The following DCBLD2 variants were observed in gnomAD, a reference collection of about 807,000 sequenced individuals.
DCBLD2 encodes the protein discoidin, CUB and LCCL domain containing 2.
DCBLD2 carries 54 observed loss-of-function variants against 86.8 expected under a neutral mutation model. That is an observed-to-expected ratio of 0.62 (90% CI 0.50 to 0.78). The LOEUF is 0.78. Ranked by LOEUF, DCBLD2 falls within the 30% of genes least tolerant of loss-of-function variation. The pLI is 0.00. For missense variants in DCBLD2, 908 were observed against 954.2 expected, an observed-to-expected ratio of 0.95 and a Z score of 0.64; for synonymous variants, 354 against 341.3, an observed-to-expected ratio of 1.04 and a Z score of -0.41.
intron 4 of DCBLD2, among the ~76,000 whole-genome samples, chr3:98,825,030 T>C (rs889744677): frequency 6.6e-6 from 1 of 152,206 alleles, no homozygotes; most frequent in Non-Finnish European, 1.5e-5. Context: ...CAACTTTTAC[T>C]AGGAGTTTTG....
At position 98,797,923 on chromosome 3, in the gene DCBLD2, T is replaced by C. The variant is rs1040468022; in HGVS notation, c.*1449A>G. On this transcript the variant is annotated 3_prime_UTR_variant, in exon 16 of 16. Transcript: ENST00000326840. The stretch of plus-strand genomic sequence containing the variant: ...AAACAAAGGTTTATGGAAGAGGGAA[T>C]GTCAAATTTATGTATTTTTATCATA... 42 of 152,242 alleles carry C rather than the reference T, an allele frequency of 2.8e-4. No individual in the cohort carries two copies. The highest frequency in any genetic ancestry group is 9.9e-4 in the African/African-American group (41 of 41,460). The allele number at this position is 152,242 out of a possible 1,614,324, so 9.4% of individuals were successfully genotyped here.
chr3:98,836,498 TAC>T (rs1319932057), intron 3 of DCBLD2, among the ~76,000 whole-genome samples: 4 of 151,888 alleles, frequency 2.6e-5, no homozygotes, highest in African/African-American at 9.7e-5. Context: ...TACTTCTTTC[TAC>T]ACAGACACCG....
chr3:98,878,907 G>A (rs1423279388), intron 2 of DCBLD2, among the ~76,000 whole-genome samples: 2 of 152,158 alleles, frequency 1.3e-5, no homozygotes, highest in East Asian at 1.9e-4. Flanking sequence ...TCTTCAGACC[G>A]TACAGAAAGT....
intron 9 of DCBLD2, chr3:98,813,435 T>G (rs948829656): frequency 6.6e-6 from 1 of 152,206 alleles, no homozygotes; most frequent in Non-Finnish European, 1.5e-5. Flanking sequence ...TTTTGCATTT[T>G]TAGTAGAGAC....
chr3:98,839,449 A>G (rs1942579929), intron 3 of DCBLD2, among the ~76,000 whole-genome samples: 1 of 152,098 alleles, frequency 6.6e-6, no homozygotes, highest in Admixed American at 6.6e-5. Context: ...CCTGAATTGT[A>G]TATTTTAAAT....
intron 1 of DCBLD2, among the ~76,000 whole-genome samples, chr3:98,894,884 C>T (rs530330654): frequency 1.3e-5 from 2 of 151,970 alleles, no homozygotes; most frequent in East Asian, 1.9e-4. Context: ...AAACTCTCTC[C>T]GCTGGCAGGA....
At chr3:98,803,907 A>G (rs1242490871) in intron 13 of DCBLD2, among the ~76,000 whole-genome samples, 2 of 152,262 alleles carry the variant, frequency 1.3e-5, no homozygotes, top group South Asian at 2.1e-4. Context: ...ACTTGATCAC[A>G]GTGGATAAGC....
chr3:98,839,761 T>G (rs1477132096), intron 3 of DCBLD2, among the ~76,000 whole-genome samples: 2 of 152,016 alleles, frequency 1.3e-5, no homozygotes, highest in African/African-American at 4.8e-5. Context: ...TAAAAGACAA[T>G]GTTAGTAAGA....
chr3:98,883,831 G>A (rs1056797531), intron 1 of DCBLD2, among the ~76,000 whole-genome samples: 2 of 152,090 alleles, frequency 1.3e-5, no homozygotes, highest in African/African-American at 4.8e-5. Context: ...GACACAGAGG[G>A]CTGTAATAGA....
chr3:98,895,037 G>C (rs1386349879), intron 1 of DCBLD2, among the ~76,000 whole-genome samples: 1 of 152,016 alleles, frequency 6.6e-6, no homozygotes, highest in East Asian at 1.9e-4. Context: ...AGGAAAGTAA[G>C]AGCATTTCAA....
chr3:98,817,694 TA>T, intron 9 of DCBLD2, 74 bp downstream of exon 9: 1 of 1,456,724 alleles, frequency 6.9e-7, no homozygotes, highest in South Asian at 1.2e-5. Context: ...ATCTCTTTTA[TA>T]CAGGAGAGCT....
At chr3:98,836,699 A>G (rs1430141305) in intron 3 of DCBLD2, among the ~76,000 whole-genome samples, 5 of 89,368 alleles carry the variant, frequency 5.6e-5, no homozygotes, top group East Asian at 2.7e-4. Flanking sequence ...CACCTCCCGG[A>G]CGGGGCGGCT....
chr3:98,834,259 T>A (rs828625), intron 3 of DCBLD2, among the ~76,000 whole-genome samples: 49,293 of 147,038 alleles, frequency 0.34, 7,589 homozygotes, highest in East Asian at 0.63. Context: ...ATCAAATCAG[T>A]GTAATTGGGA....
intron 2 of DCBLD2, 42 bp downstream of exon 2, chr3:98,881,498 C>CATGTA (rs774479533): frequency 4.6e-6 from 7 of 1,517,832 alleles, no homozygotes; most frequent in Non-Finnish European, 6.4e-6. Flanking sequence ...ATCATTGAGA[C>CATGTA]AATGATGTAT....
At chr3:98,874,086 CAG>C (rs1269514313) in intron 2 of DCBLD2, among the ~76,000 whole-genome samples, 5 of 152,160 alleles carry the variant, frequency 3.3e-5, no homozygotes, top group African/African-American at 7.2e-5. Context: ...TGAGAAGAAA[CAG>C]AGAACGTCAT....
intron 2 of DCBLD2, among the ~76,000 whole-genome samples, chr3:98,854,311 T>C (rs1255934394): frequency 1.3e-5 from 2 of 152,186 alleles, no homozygotes; most frequent in Admixed American, 6.5e-5. Context: ...TGTCTTATGC[T>C]TGGTGGGCCA....
chr3:98,894,134 C>G (rs1943710623), intron 1 of DCBLD2, among the ~76,000 whole-genome samples: 1 of 152,132 alleles, frequency 6.6e-6, no homozygotes, highest in South Asian at 2.1e-4. Context: ...ATAACCAAAC[C>G]TAGTGACAGA....
Position 98,811,296 on chromosome 3 carries a change from G to T in DCBLD2, c.1474C>A (p.Pro492Thr), listed in dbSNP as rs1196960748. The T allele has an allele frequency of 2.5e-6, 4 of 1,612,550 alleles. No homozygotes were observed. In the African/African-American group the frequency reaches 4.0e-5, roughly 16 times the overall value. The change falls in exon 12 of 16, where the codon CCA becomes ACA. Residue 492 changes from proline to threonine, a missense_variant. Around this residue, in one of 3 missense-constraint regions of DCBLD2, gnomAD observed 606 missense variants for 678.5 expected, o/e 0.89. Transcript: ENST00000326840. ...AKGRAPKFTQ[P>T]LQPRSSNEFP... ...TCATTGCTACTGCGAGGTTGTAGTG[G>T]TTGCGTAAATTTTGGGGCACGACCT...
intron 1 of DCBLD2, among the ~76,000 whole-genome samples, chr3:98,892,232 G>A (rs564723232): frequency 6.6e-6 from 1 of 152,120 alleles, no homozygotes; most frequent in African/African-American, 2.4e-5. Flanking sequence ...ACTACCTCAC[G>A]GATGAGGATA....
Sources: allele counts gnomAD v4.1 joint callset (sites outside exome capture counted in the v4.1 genomes callset), GRCh38; gene constraint gnomAD v4.1.1; regional missense constraint gnomAD v4.1.1; transcripts MANE v1.5; gene names NCBI Gene and HGNC (gene_info 2026-07-23, HGNC 2026-07-21).